The following RIC8B variants were observed in gnomAD, a reference collection of about 807,000 sequenced individuals.
RIC8B encodes the protein chaperone Ric-8B.
RIC8B carries 16 observed loss-of-function variants against 57.5 expected under a neutral mutation model. That is an observed-to-expected ratio of 0.28 (90% CI 0.19 to 0.42). The LOEUF (loss-of-function observed/expected upper bound fraction) is 0.42, where lower values mean the gene tolerates loss of function less well. Ranked by LOEUF, RIC8B falls within the 10% of genes least tolerant of loss-of-function variation. The pLI is 1.00. For missense variants in RIC8B, 481 were observed against 677.0 expected (o/e 0.71, Z 3.21); for synonymous variants, 216 against 250.8 (o/e 0.86, Z 1.31).
chr12:106,815,343 A>C (rs775862449), intron 3 of RIC8B, 39 bp downstream of exon 3: 2 of 1,552,296 alleles, frequency 1.3e-6, no homozygotes, highest in Non-Finnish European at 1.7e-6. Flanking sequence ...CCTGGAATTT[A>C]ATTGGTCTGG....
At chr12:106,870,474 G>A (rs1021648367) in intron 8 of RIC8B, among the ~76,000 whole-genome samples, 1 of 151,346 alleles carries the variant, frequency 6.6e-6, no homozygotes, top group African/African-American at 2.4e-5. Context: ...CTTCTTCCCT[G>A]AAATCATGTG....
Position 106,885,905 on chromosome 12 carries a change from G to A in RIC8B, c.1573G>A (p.Glu525Lys). The change falls in exon 10 of 10, where the codon GAG becomes AAG. Residue 525 changes from glutamate (E) to lysine (K), a missense_variant and splice_region_variant. This residue lies in a region of RIC8B where 43 missense variants were observed against 99.8 expected (regional missense o/e 0.43). Transcript: ENST00000392837. The stretch of plus-strand genomic sequence containing the variant: ...TCTCTCTTTTATCTCTTTTTCTAGA[G>A]AGGAGTTGCTTAAACCAATGGGACT... ...LVNMLDKLSR[E>K]ELLKPMGLKP... The A allele has an allele frequency of 6.2e-7, 1 of 1,604,628 alleles. No individual in the cohort carries two copies. Among genetic ancestry groups the A allele is most frequent in the Non-Finnish European group, 8.5e-7 (1 of 1,171,872 alleles).
At chr12:106,881,924 C>A (rs945189612) in intron 9 of RIC8B, among the ~76,000 whole-genome samples, 26 of 152,144 alleles carry the variant, frequency 1.7e-4, no homozygotes, top group African/African-American at 6.3e-4. Context: ...CTCCTTTAAA[C>A]CAACTTCAAA....
intron 8 of RIC8B, among the ~76,000 whole-genome samples, chr12:106,863,047 A>G (rs1370348262): frequency 6.6e-6 from 1 of 152,098 alleles, no homozygotes; most frequent in African/African-American, 2.4e-5. Context: ...TAACCTTTAT[A>G]CCTGTTTCTT....
intron 2 of RIC8B, among the ~76,000 whole-genome samples, chr12:106,790,142 C>T (rs2044204976): frequency 6.6e-6 from 1 of 152,150 alleles, no homozygotes; most frequent in African/African-American, 2.4e-5. Flanking sequence ...TGCTAACACT[C>T]ACACCACTAG....
Position 106,805,427 on chromosome 12 carries a change from A to T in RIC8B, c.133-9269A>T, listed in dbSNP as rs770664807. ...TGAGAAGATCACTTGAGTTCAGGAG[A>T]TCAAGGCTGCAGTAAGTCATAATGG... On this transcript the variant is annotated intron_variant, in intron 2 of 9. Coordinates refer to ENST00000392837, the MANE Select transcript of RIC8B (RefSeq NM_001330145.2). 3.0e-4 allele frequency among the ~76,000 whole-genome samples: 45 copies of T among 152,040 alleles called. 3 individuals are homozygous for T. Among genetic ancestry groups the T allele is most frequent in the Non-Finnish European group, 6.3e-4 (43 of 67,996 alleles).
intron 2 of RIC8B, among the ~76,000 whole-genome samples, chr12:106,803,121 A>G (rs192944105): frequency 2.1e-5 from 3 of 144,836 alleles, no homozygotes; most frequent in Non-Finnish European, 4.5e-5. Context: ...GTGAGGCAGG[A>G]GGATCCTTTG....
chr12:106,782,827 T>C (rs1200565713), intron 1 of RIC8B, among the ~76,000 whole-genome samples: 1 of 152,230 alleles, frequency 6.6e-6, no homozygotes, highest in Admixed American at 6.5e-5. Context: ...TAGTACTCAG[T>C]GTACTTCACT....
intron 8 of RIC8B, among the ~76,000 whole-genome samples, chr12:106,866,171 TTTG>T (rs1201541308): frequency 2.8e-5 from 4 of 142,778 alleles, no homozygotes; most frequent in Non-Finnish European, 4.5e-5. Context: ...AAGAGGAGTT[TTTG>T]TTTTTTTGTT....
Position 106,885,921 on chromosome 12 carries a change from C to CA in RIC8B, c.1591dup (p.Met531AsnfsTer6). 1 of 1,612,886 alleles carries CA rather than the reference C, an allele frequency of 6.2e-7. No homozygotes were observed. Among genetic ancestry groups the CA allele is most frequent in the East Asian group, 2.2e-5 (1 of 44,858 alleles). ...TTTTCTAGAGAGGAGTTGCTTAAAC[C>CA]AATGGGACTAAAACCTGATGGGACA... On this transcript the variant is annotated frameshift_variant, in exon 10 of 10. Transcript: ENST00000392837. LOFTEE classifies it high-confidence loss of function.
intron 1 of RIC8B, among the ~76,000 whole-genome samples, chr12:106,782,842 G>A (rs2043829024): frequency 6.6e-6 from 1 of 152,172 alleles, no homozygotes; most frequent in Admixed American, 6.5e-5. Flanking sequence ...TTCACTCCTG[G>A]TGGGTTGCCA....
intron 4 of RIC8B, among the ~76,000 whole-genome samples, chr12:106,835,070 A>C (rs747602247): frequency 6.7e-6 from 1 of 148,986 alleles, no homozygotes; most frequent in African/African-American, 2.5e-5. Flanking sequence ...GGTTGTATCT[A>C]CCTCACTTTG....
Position 106,879,262 on chromosome 12 carries a change from T to G in RIC8B, c.1572-6642T>G. ...GTTTGTATTGCACAAAAACATGTGC[T>G]GTGGGCAAGAGTATTCTCTTGCTTT... On this transcript the variant is annotated intron_variant, in intron 9 of 9. Transcript: ENST00000392837. This position sits in a 1 kb window ranked among gnomAD's most constrained non-coding sequence, Gnocchi z 4.9. 1 of 985,734 alleles carries G rather than the reference T, an allele frequency of 1.0e-6. No homozygotes were observed. Among genetic ancestry groups the G allele is most frequent in the Non-Finnish European group, 1.2e-6 (1 of 829,906 alleles). The allele number at this position is 985,734 out of a possible 1,614,324, so 61.1% of individuals were successfully genotyped here.
At chr12:106,796,335 C>T (rs113446139) in intron 2 of RIC8B, among the ~76,000 whole-genome samples, 2,117 of 152,136 alleles carry the variant, frequency 0.014, 55 homozygotes, top group African/African-American at 0.049. Context: ...CTCAGGAGTT[C>T]GAGACCAGCC....
intron 2 of RIC8B, among the ~76,000 whole-genome samples, chr12:106,794,790 G>T (rs552063827): frequency 9.2e-5 from 14 of 152,290 alleles, no homozygotes; most frequent in African/African-American, 3.4e-4. Context: ...TCTTTAGACT[G>T]AAAGCAAGTA....
intron 4 of RIC8B, among the ~76,000 whole-genome samples, chr12:106,827,498 T>C (rs1474147414): frequency 1.3e-5 from 2 of 152,258 alleles, no homozygotes; most frequent in East Asian, 3.8e-4. Flanking sequence ...TATTTTTCAA[T>C]TAAATCCATA....
chr12:106,814,635 A>G, intron 2 of RIC8B, 61 bp from the exon 3 acceptor site: 1 of 1,501,370 alleles, frequency 6.7e-7, no homozygotes, highest in African/African-American at 1.4e-5. Flanking sequence ...GCAGAGAAAC[A>G]TTCTGTGTTA....
At chr12:106,809,594 A>G (rs1188153216) in intron 2 of RIC8B, among the ~76,000 whole-genome samples, 1 of 152,022 alleles carries the variant, frequency 6.6e-6, no homozygotes, top group East Asian at 1.9e-4. Context: ...TGAGAAACAT[A>G]AAAGTTTTTT....
At chr12:106,857,998 G>T (rs1391396961) in intron 7 of RIC8B, among the ~76,000 whole-genome samples, 1 of 152,164 alleles carries the variant, frequency 6.6e-6, no homozygotes, top group Non-Finnish European at 1.5e-5. Flanking sequence ...AGCACATAAG[G>T]TTTGTTCCAG....
Sources: allele counts gnomAD v4.1 joint callset (sites outside exome capture counted in the v4.1 genomes callset), GRCh38; gene constraint gnomAD v4.1.1; regional missense constraint gnomAD v4.1.1; non-coding constraint Gnocchi (gnomAD v3.1); transcripts MANE v1.5; gene names NCBI Gene and HGNC (gene_info 2026-07-23, HGNC 2026-07-21).